Variants in MPDZ observed in about 807,000 individuals in gnomAD.
MPDZ encodes multiple PDZ domain protein.
A neutral mutation model predicts 239.1 loss-of-function variants in MPDZ; 234 were observed. The observed-to-expected ratio is 0.98, with a 90% confidence interval of 0.88 to 1.09. MPDZ has a LOEUF of 1.09. MPDZ is among the 50% of genes least tolerant of loss of function. MPDZ has a pLI of 0.00. For synonymous variants in MPDZ, 1,048 were observed against 881.3 expected, an observed-to-expected ratio of 1.19 and a Z score of -3.35; for missense variants, 3,175 against 2,510.0, an observed-to-expected ratio of 1.26 and a Z score of -5.66.
At chr9:13,189,371 T>C (rs1431849278) in intron 16 of MPDZ, among the ~76,000 whole-genome samples, 1 of 152,126 alleles carries the variant, frequency 6.6e-6, no homozygotes, top group Admixed American at 6.6e-5. Flanking sequence ...TGTTACTGTA[T>C]GGAACATCAA....
chr9:13,110,262 A>C (rs1370992330), intron 44 of MPDZ, among the ~76,000 whole-genome samples, 198 bp from the exon 45 acceptor site: 1 of 152,212 alleles, frequency 6.6e-6, no homozygotes, highest in Non-Finnish European at 1.5e-5. Context: ...CAGTAAACAT[A>C]TTCTTCTAAT....
intron 3 of MPDZ, among the ~76,000 whole-genome samples, chr9:13,244,968 G>A (rs961374178): frequency 2.0e-5 from 3 of 152,012 alleles, no homozygotes; most frequent in Admixed American, 6.6e-5. Context: ...TCTAATAATA[G>A]TAAAAAAGAT....
chr9:13,136,877 T>C (rs1587116220), intron 29 of MPDZ, 74 bp from the exon 30 acceptor site: 4 of 767,198 alleles, frequency 5.2e-6, no homozygotes, highest in Non-Finnish European at 8.2e-6. Context: ...TCCTCATTAA[T>C]GAAAAGCACA....
At chr9:13,134,797 A>C (rs1372562090) in intron 31 of MPDZ, 1 of 152,038 alleles carries the variant, frequency 6.6e-6, no homozygotes, top group Non-Finnish European at 1.5e-5. Context: ...CTTTCTACTC[A>C]TCTTCTCACT....
intron 34 of MPDZ, 47 bp downstream of exon 34, chr9:13,126,469 C>T (rs1425752745): frequency 2.4e-5 from 31 of 1,316,178 alleles, no homozygotes; most frequent in Non-Finnish European, 3.3e-5. Context: ...TTTAATCATG[C>T]CCAAGGATGG....
intron 39 of MPDZ, among the ~76,000 whole-genome samples, chr9:13,115,950 CAAA>C (rs71491603): frequency 4.9e-5 from 2 of 40,614 alleles, no homozygotes; most frequent in Non-Finnish European, 9.6e-5. Flanking sequence ...GACTCCACCT[CAAA>C]AAAAAAAAAA....
At position 13,168,486 on chromosome 9, in the gene MPDZ, T is replaced by A; in HGVS notation, c.3134A>T (p.Asp1045Val). Residue 1045 changes from aspartate to valine, a missense_variant, in exon 22 of 47, where the codon GAT becomes GTT. Physicochemically the swap from Asp to Val is radical, Grantham distance 152. Transcript: ENST00000319217. Reference protein sequence around the residue: ...SIIHGGAISRDGRIAIGDCIL... With the variant: ...SIIHGGAISRVGRIAIGDCIL... ...GCAGTCCCCAATGGCAATCCGGCCA[T>A]CTCGACTAATGGCACCTCCATGAAT... is the stretch of plus-strand genomic sequence containing the variant. The A allele has an allele frequency of 6.2e-7, 1 of 1,613,508 alleles. No homozygotes were observed.
chr9:13,211,060 A>G (rs1231693548), intron 10 of MPDZ, among the ~76,000 whole-genome samples: 1 of 152,116 alleles, frequency 6.6e-6, no homozygotes, highest in Non-Finnish European at 1.5e-5. Flanking sequence ...TATACCCTCT[A>G]TCTCTAGGTA....
rs756670447 is a variant in MPDZ, at chr9:13,121,749, C to T, written c.5221G>A (p.Val1741Ile). 12 of 1,613,976 alleles carry T rather than the reference C, an allele frequency of 7.4e-6. No homozygotes were observed. In the East Asian group the frequency reaches 2.0e-4, roughly 27 times the overall value. ...KPGKGLGLSI[V>I]GKRNDTGVFV... ...CCTCCTCAATCACACCTTTTACCAACAATACTTAATCCTAGGCCTTTTCCC... is the reference window on the plus strand; with the variant it reads ...CCTCCTCAATCACACCTTTTACCAATAATACTTAATCCTAGGCCTTTTCCC... Residue 1741 changes from valine to isoleucine, a missense_variant, in exon 38 of 47, where the codon GTT becomes ATT. By Grantham distance (29) the Val-to-Ile change is conservative. Coordinates refer to ENST00000319217, the MANE Select transcript of MPDZ (RefSeq NM_001378778.1).
chr9:13,175,679 A>G, intron 21 of MPDZ, 73 bp downstream of exon 21: 1 of 1,470,398 alleles, frequency 6.8e-7, no homozygotes, highest in Non-Finnish European at 9.2e-7. Flanking sequence ...AAAAATTGAA[A>G]TTTACCATGT....
chr9:13,136,997 GC>G (rs558163753), intron 29 of MPDZ, among the ~76,000 whole-genome samples, 194 bp from the exon 30 acceptor site: 11 of 152,186 alleles, frequency 7.2e-5, no homozygotes, highest in African/African-American at 2.7e-4. Flanking sequence ...TTTAAAGCCA[GC>G]ATTAAAATAA....
intron 15 of MPDZ, among the ~76,000 whole-genome samples, chr9:13,190,891 A>C (rs1954827360): frequency 6.6e-6 from 1 of 152,196 alleles, no homozygotes; most frequent in Non-Finnish European, 1.5e-5. Flanking sequence ...TGGGTCCCAG[A>C]GTTACCCATC....
chr9:13,134,297 C>T (rs1321384627), intron 31 of MPDZ: 1 of 152,378 alleles, frequency 6.6e-6, no homozygotes, highest in Non-Finnish European at 1.5e-5. Context: ...TTATTCTTTA[C>T]TGTGTTATTT....
intron 24 of MPDZ, 133 bp from the exon 25 acceptor site, chr9:13,150,821 T>C (rs947950249): frequency 3.5e-5 from 20 of 573,042 alleles, no homozygotes; most frequent in Non-Finnish European, 4.7e-5. Context: ...AGATAAAATG[T>C]ACTTTATCAA....
rs923105166 is a variant in MPDZ at position 13,143,501 on chromosome 9, G to A, written c.3805C>T (p.Pro1269Ser). Residue 1269 changes from proline (P) to serine (S), a missense_variant, in exon 27 of 47, where the codon CCA (proline) becomes TCA (serine). Physicochemically the swap from Pro to Ser is moderately conservative, Grantham distance 74. Transcript: ENST00000319217. ...YPKYNFSSTN[P>S]FADSLQINAD... The stretch of plus-strand genomic sequence containing the variant: ...TTGATTTGTAGAGAGTCAGCAAATG[G>A]GTTAGTGCTGCTGAAGTTGTACTTA... The A allele has an allele frequency of 6.2e-7, 1 of 1,613,074 alleles. No homozygotes were observed. Among genetic ancestry groups the A allele is most frequent in the African/African-American group, 1.3e-5 (1 of 74,998 alleles).
intron 2 of MPDZ, 62 bp from the exon 3 acceptor site, chr9:13,247,863 G>A (rs1966850055): frequency 7.1e-7 from 1 of 1,417,604 alleles, no homozygotes; most frequent in Non-Finnish European, 9.6e-7. Flanking sequence ...CAGCCTAAGA[G>A]GACTCCATCT....
At chr9:13,263,006 G>C (rs1045027542) in intron 1 of MPDZ, among the ~76,000 whole-genome samples, 2 of 152,056 alleles carry the variant, frequency 1.3e-5, no homozygotes, top group Non-Finnish European at 1.5e-5. Flanking sequence ...GACTCAATGG[G>C]GGAATTTAGC....
At chr9:13,249,764 C>G (rs1421977317) in intron 2 of MPDZ, among the ~76,000 whole-genome samples, 4 of 152,096 alleles carry the variant, frequency 2.6e-5, no homozygotes, top group Non-Finnish European at 5.9e-5. Flanking sequence ...AACTAAAGAG[C>G]AGTGGGAAAA....
chr9:13,218,552 C>T (rs1454335845), intron 8 of MPDZ, among the ~76,000 whole-genome samples: 1 of 151,694 alleles, frequency 6.6e-6, no homozygotes, highest in East Asian at 1.9e-4. Context: ...TTTCTCTTTG[C>T]AAAAAATAGC....
Sources: gnomAD v4.1 joint callset for allele counts (sites outside exome capture counted in the v4.1 genomes callset) on GRCh38, gnomAD v4.1.1 for gene constraint, MANE v1.5 for transcripts, NCBI Gene and HGNC (gene_info 2026-07-23, HGNC 2026-07-21) for gene names.